Variants in CDH18 observed in about 807,000 individuals in gnomAD.
CDH18 encodes cadherin-18.
In CDH18, 31 loss-of-function variants were observed where a neutral mutation model predicts 67.9. The observed-to-expected ratio is 0.46, with a 90% CI of 0.34 to 0.62. The LOEUF is 0.62. Among genes scored for constraint, CDH18 ranks in the 20% least tolerant of loss-of-function variants. The pLI is 0.01. For missense variants in CDH18, 890 were observed against 975.5 expected, an observed-to-expected ratio of 0.91 and a Z score of 1.17; for synonymous variants, 362 against 347.2, an observed-to-expected ratio of 1.04 and a Z score of -0.48.
At position 20,164,471 on chromosome 5, in the gene CDH18, G is replaced by A. The variant is rs1736134973; in HGVS notation, c.-518+90973C>T. 2.0e-5 allele frequency among the ~76,000 whole-genome samples: 3 copies of A among 152,012 alleles called. No homozygotes were observed. The South Asian group carries it at 6.2e-4, about 31-fold the overall frequency. On this transcript the variant is annotated intron_variant, in intron 2 of 14. Transcript: ENST00000507958. ...CCCGGCTAATGTTTTTGTATTTTTA[G>A]TAGAGACGAGTTTATCTAGTCTTGA...
At chr5:20,296,049 T>C (rs1747482197) in intron 1 of CDH18, among the ~76,000 whole-genome samples, 2 of 151,360 alleles carry the variant, frequency 1.3e-5, no homozygotes, top group South Asian at 4.2e-4. Flanking sequence ...TTATTTTTTG[T>C]ATTTTTAGTA....
chr5:20,483,636 AT>A (rs1752971830), intron 1 of CDH18, among the ~76,000 whole-genome samples: 2 of 149,042 alleles, frequency 1.3e-5, no homozygotes, highest in Admixed American at 6.6e-5. Context: ...CAGTGAACTG[AT>A]TTTCAAGAAA....
chr5:19,798,850 G>A (rs886499285), intron 3 of CDH18, among the ~76,000 whole-genome samples: 1 of 151,930 alleles, frequency 6.6e-6, no homozygotes, highest in Non-Finnish European at 1.5e-5. Flanking sequence ...TTGGAAATTA[G>A]GGAAATTGGG....
rs188044863 is a variant in CDH18, at chr5:19,502,912, G to A, written c.1630+80C>T. ...ATGCTGATTTGCAAGATGTTTGTGTGTATATAAGAATAAAGCCTATTACAT... is the reference window on the plus strand; with the variant it reads ...ATGCTGATTTGCAAGATGTTTGTGTATATATAAGAATAAAGCCTATTACAT... On this transcript the variant is annotated intron_variant, in intron 11 of 12. Coordinates refer to ENST00000382275, the MANE Select transcript of CDH18 (RefSeq NM_004934.5). 11 of 838,866 alleles carry A rather than the reference G, an allele frequency of 1.3e-5. 1 individual carries two copies. The Middle Eastern group carries it at 6.5e-4, about 50-fold the overall frequency. 52.0% of individuals were successfully genotyped at this position (838,866 alleles called of 1,614,324 possible).
chr5:19,909,116 G>A (rs2174962), intron 2 of CDH18, among the ~76,000 whole-genome samples: 146,439 of 152,172 alleles, frequency 0.96, 70,712 homozygotes, highest in Middle Eastern at 1. Context: ...GCCGTTTTCT[G>A]CATTTTCTAC....
At chr5:20,342,121 A>G (rs773796242) in intron 1 of CDH18, among the ~76,000 whole-genome samples, 10 of 152,186 alleles carry the variant, frequency 6.6e-5, no homozygotes, top group African/African-American at 2.4e-4. Context: ...ATTTTATCAT[A>G]TGAGTGGCTG....
intron 2 of CDH18, among the ~76,000 whole-genome samples, chr5:20,139,799 A>G (rs1430410125): frequency 6.6e-6 from 1 of 152,226 alleles, no homozygotes; most frequent in Non-Finnish European, 1.5e-5. Flanking sequence ...AATGGCGATC[A>G]TTAAAAAGTC....
chr5:20,471,833 T>TTAAAAAAAAAAAAAAAAA lies in CDH18; in HGVS notation c.-580+103628_-580+103629insTTTTTTTTTTTTTTTTTA, dbSNP rs757184101. 7.4e-4 allele frequency among the ~76,000 whole-genome samples: 38 copies of TTAAAAAAAAAAAAAAAAA among 51,486 alleles called. 4 individuals are homozygous for TTAAAAAAAAAAAAAAAAA. The highest frequency in any genetic ancestry group is 2.4e-3 in the African/African-American group (37 of 15,488). The allele number at this position is 51,486 out of a possible 152,430, so 33.8% of individuals were successfully genotyped here. ...CTGGGCAACAGATCGAGATTCAGTC[T>TTAAAAAAAAAAAAAAAAA]AAAAAAAAAAAAAAAAAAGCAAAAG... On this transcript the variant is annotated intron_variant, in intron 1 of 14. Coordinates refer to the CDH18 transcript ENST00000507958.
intron 2 of CDH18, among the ~76,000 whole-genome samples, chr5:19,921,721 G>A (rs1273399661): frequency 6.6e-6 from 1 of 152,086 alleles, no homozygotes; most frequent in African/African-American, 2.4e-5. Flanking sequence ...AAAGGGATAT[G>A]CAACATCAGT....
At chr5:19,986,180 A>G (rs764720604) in intron 1 of CDH18, among the ~76,000 whole-genome samples, 2 of 152,224 alleles carry the variant, frequency 1.3e-5, no homozygotes, top group African/African-American at 4.8e-5. Context: ...CAAGTCCACT[A>G]TATCTATTTG....
At chr5:20,312,524 C>T (rs1737087751) in intron 1 of CDH18, among the ~76,000 whole-genome samples, 1 of 152,120 alleles carries the variant, frequency 6.6e-6, no homozygotes, top group Admixed American at 6.6e-5. Flanking sequence ...TTCATTCCTA[C>T]AGACGCCATG....
chr5:20,339,898 C>G (rs1210232696), intron 1 of CDH18, among the ~76,000 whole-genome samples: 2 of 152,126 alleles, frequency 1.3e-5, no homozygotes, highest in Middle Eastern at 3.2e-3. Flanking sequence ...CTGCAAGCAG[C>G]AGAGAAATTT....
intron 5 of CDH18, among the ~76,000 whole-genome samples, chr5:19,624,775 A>G (rs1580560633): frequency 6.6e-6 from 1 of 152,304 alleles, no homozygotes; most frequent in African/African-American, 2.4e-5. Context: ...CCAGACAGCA[A>G]ACCTGCTTTG....
chr5:19,716,885 A>T (rs1438594265), intron 5 of CDH18, among the ~76,000 whole-genome samples: 1 of 152,096 alleles, frequency 6.6e-6, no homozygotes, highest in Non-Finnish European at 1.5e-5. Context: ...ACATTAAGAT[A>T]TGTAAAGACT....
intron 3 of CDH18, among the ~76,000 whole-genome samples, chr5:19,748,023 A>G (rs535816336): frequency 1.7e-3 from 242 of 144,820 alleles, no homozygotes; most frequent in Non-Finnish European, 2.6e-3. Flanking sequence ...TGAGGCAGGA[A>G]AATGGCGTGA....
At chr5:20,400,580 C>G (rs1396673648) in intron 1 of CDH18, among the ~76,000 whole-genome samples, 1 of 137,844 alleles carries the variant, frequency 7.3e-6, no homozygotes, top group Non-Finnish European at 1.5e-5. Context: ...GGCCAACATG[C>G]CATGTCTACT....
intron 2 of CDH18, among the ~76,000 whole-genome samples, chr5:19,876,015 T>C (rs909620067): frequency 3.3e-5 from 5 of 151,986 alleles, no homozygotes; most frequent in Non-Finnish European, 7.4e-5. Context: ...TAGGCTGATG[T>C]TTACCAAAAT....
chr5:20,512,172 G>A (rs774642615), intron 1 of CDH18, among the ~76,000 whole-genome samples: 23 of 152,038 alleles, frequency 1.5e-4, no homozygotes, highest in Non-Finnish European at 2.9e-4. Context: ...GCAGTAGGCC[G>A]AGATCAGGCA....
intron 2 of CDH18, among the ~76,000 whole-genome samples, chr5:20,241,861 A>AAAAT (rs1554106495): frequency 1.6e-5 from 2 of 127,292 alleles, no homozygotes; most frequent in African/African-American, 6.4e-5. Flanking sequence ...CAAAAAAAAA[A>AAAAT]AAAATAAAAT....
Sources: gnomAD v4.1 joint callset for allele counts (sites outside exome capture counted in the v4.1 genomes callset) on GRCh38, gnomAD v4.1.1 for gene constraint, MANE v1.5 for transcripts, NCBI Gene and HGNC (gene_info 2026-07-23, HGNC 2026-07-21) for gene names.